NPAS3: variants seen among roughly 807,000 people sequenced by gnomAD.
NPAS3 encodes the protein neuronal PAS domain protein 3.
In NPAS3, 14 loss-of-function variants were observed where a neutral mutation model predicts 73.1. The ratio of observed to expected loss-of-function variants is 0.19; its 90% CI spans 0.13 to 0.30. The LOEUF (loss-of-function observed/expected upper bound fraction) is 0.30, where lower values mean the gene tolerates loss of function less well. Among genes scored for constraint, NPAS3 ranks in the 10% least tolerant of loss-of-function variants. The probability of loss-of-function intolerance (pLI) is 1.00; values close to 1 mark genes in which losing one functional copy is unlikely to be tolerated. For missense variants in NPAS3, 1,096 were observed against 1,250.0 expected, an observed-to-expected ratio of 0.88 and a Z score of 1.86; for synonymous variants, 620 against 541.5, an observed-to-expected ratio of 1.14 and a Z score of -2.01.
intron 3 of NPAS3, among the ~76,000 whole-genome samples, chr14:33,354,282 A>G (rs1323169238): frequency 1.3e-5 from 2 of 151,866 alleles, no homozygotes; most frequent in African/African-American, 4.8e-5. Flanking sequence ...TTGATCTCTC[A>G]TTTGCTGCTC....
At chr14:33,442,813 T>C (rs2049315048) in intron 4 of NPAS3, among the ~76,000 whole-genome samples, 1 of 152,204 alleles carries the variant, frequency 6.6e-6, no homozygotes, top group Non-Finnish European at 1.5e-5. Flanking sequence ...CACCAGGTTT[T>C]CCCCATCTTG....
At chr14:33,544,827 A>AATTATG (rs1555409999) in intron 4 of NPAS3, among the ~76,000 whole-genome samples, 1 of 80,212 alleles carries the variant, frequency 1.2e-5, no homozygotes, top group Non-Finnish European at 2.4e-5. Flanking sequence ...TATAATATAT[A>AATTATG]TGTGTATATA....
At chr14:33,143,029 C>T (rs762178420) in intron 2 of NPAS3, among the ~76,000 whole-genome samples, 24 of 152,120 alleles carry the variant, frequency 1.6e-4, no homozygotes, top group Non-Finnish European at 2.8e-4. Flanking sequence ...GACTTGAACC[C>T]GGGAGGAGGA....
intron 5 of NPAS3, among the ~76,000 whole-genome samples, chr14:33,637,637 G>A (rs1023562386): frequency 2.0e-5 from 3 of 152,110 alleles, no homozygotes; most frequent in African/African-American, 7.2e-5. Flanking sequence ...TACATCTTAG[G>A]CAAGGTTTAA....
intron 4 of NPAS3, among the ~76,000 whole-genome samples, chr14:33,517,469 C>A (rs1399657802): frequency 6.6e-6 from 1 of 152,024 alleles, no homozygotes; most frequent in Non-Finnish European, 1.5e-5. Flanking sequence ...GAGGGAATTG[C>A]CTGACAATAT....
intron 5 of NPAS3, among the ~76,000 whole-genome samples, chr14:33,674,829 C>CTGCA (rs1412751967): frequency 6.6e-6 from 1 of 152,176 alleles, no homozygotes; most frequent in African/African-American, 2.4e-5. Context: ...TGTGGAAGAT[C>CTGCA]TGCAGCCTGT....
intron 7 of NPAS3, among the ~76,000 whole-genome samples, chr14:33,768,062 AT>A: frequency 6.6e-6 from 1 of 152,342 alleles, no homozygotes; most frequent in Non-Finnish European, 1.5e-5. Context: ...GAGAAGAAAA[AT>A]AAAAGTCAAA....
At chr14:33,260,415 A>G (rs2048932617) in intron 3 of NPAS3, among the ~76,000 whole-genome samples, 1 of 152,020 alleles carries the variant, frequency 6.6e-6, no homozygotes, top group South Asian at 2.1e-4. Context: ...TAGCCATTCA[A>G]GTCCAACCAA....
At chr14:33,616,323 T>G (rs2057916754) in intron 5 of NPAS3, among the ~76,000 whole-genome samples, 1 of 152,228 alleles carries the variant, frequency 6.6e-6, no homozygotes, top group African/African-American at 2.4e-5. Context: ...TGCTCTGTTC[T>G]GAAAGATGTT....
Position 33,469,297 on chromosome 14 carries a change from T to TAAA in NPAS3, c.469-90824_469-90823insAAA, listed in dbSNP as rs2050672635. Among the ~76,000 whole-genome samples the TAAA allele has an allele frequency of 2.5e-5, 3 of 118,588 alleles. 1 individual carries two copies. Among genetic ancestry groups the TAAA allele is most frequent in the African/African-American group, 1.2e-4 (3 of 25,446 alleles). 77.8% of individuals were successfully genotyped at this position (118,588 alleles called of 152,430 possible). ...ATGATCAATAAAGAGGAAGTTTTCTTTAAAAAAAAAAAAAAAGAGTGTGTG... is the reference window on the plus strand; with the variant it reads ...ATGATCAATAAAGAGGAAGTTTTCTTAAATAAAAAAAAAAAAAAAGAGTGTGTG... On this transcript the variant is annotated intron_variant, in intron 4 of 11. Coordinates refer to ENST00000356141, the Ensembl canonical transcript of NPAS3.
chr14:33,616,543 C>T (rs1199344673), intron 5 of NPAS3, among the ~76,000 whole-genome samples: 2 of 152,122 alleles, frequency 1.3e-5, no homozygotes, highest in African/African-American at 4.8e-5. Flanking sequence ...CCTGACCTCA[C>T]AGAAAGCAAG....
chr14:33,525,558 G>T (rs186929494), intron 4 of NPAS3, among the ~76,000 whole-genome samples: 2 of 152,222 alleles, frequency 1.3e-5, no homozygotes, highest in Admixed American at 6.5e-5. Context: ...ACAATTTCAG[G>T]ATGATTCATT....
intron 2 of NPAS3, among the ~76,000 whole-genome samples, chr14:33,070,722 C>T (rs183078229): frequency 4.4e-4 from 67 of 152,266 alleles, no homozygotes; most frequent in Non-Finnish European, 6.5e-4. Flanking sequence ...TACACATGGG[C>T]CTGTATTCAT....
chr14:33,031,017 T>C (rs1345657166), intron 1 of NPAS3, among the ~76,000 whole-genome samples: 5 of 152,196 alleles, frequency 3.3e-5, no homozygotes, highest in Admixed American at 6.5e-5. Context: ...ATGAGGCCAG[T>C]TAACCCCGTT....
intron 1 of NPAS3, among the ~76,000 whole-genome samples, chr14:33,047,399 T>A (rs2040547712): frequency 6.6e-6 from 1 of 152,142 alleles, no homozygotes; most frequent in South Asian, 2.1e-4. Flanking sequence ...ACAGGAGCTG[T>A]AAAGAGATCA....
At position 33,546,615 on chromosome 14, in the gene NPAS3, T is replaced by C. The variant is rs182202237; in HGVS notation, c.469-13506T>C. ...GGACAGGGATTTTTATCCTGCTCAA[T>C]ATGTTGATTTTATGTGATAGTTTTG... On this transcript the variant is annotated intron_variant, in intron 4 of 11. Coordinates refer to ENST00000356141, the Ensembl canonical transcript of NPAS3. Among the ~76,000 whole-genome samples the C allele has an allele frequency of 1.1e-4, 16 of 152,304 alleles. No individual in the cohort carries two copies. The East Asian group carries it at 3.1e-3, about 29-fold the overall frequency.
chr14:33,175,068 A>AT (rs548666609), intron 2 of NPAS3, among the ~76,000 whole-genome samples: 7 of 152,038 alleles, frequency 4.6e-5, no homozygotes, highest in South Asian at 4.2e-4. Context: ...AGAATACTGT[A>AT]TTTTTTTTCT....
At chr14:33,487,816 C>T (rs1192202600) in intron 4 of NPAS3, among the ~76,000 whole-genome samples, 1 of 152,092 alleles carries the variant, frequency 6.6e-6, no homozygotes, top group Non-Finnish European at 1.5e-5. Context: ...ACTAAAAGAA[C>T]CAAGTACGTG....
At chr14:33,455,546 G>A (rs1032757202) in intron 4 of NPAS3, among the ~76,000 whole-genome samples, 4 of 152,278 alleles carry the variant, frequency 2.6e-5, no homozygotes, top group Admixed American at 6.5e-5. Context: ...AAACTACCAA[G>A]AAAAAACCAA....
Sources: allele counts gnomAD v4.1 joint callset (sites outside exome capture counted in the v4.1 genomes callset), GRCh38; gene constraint gnomAD v4.1.1; transcripts MANE v1.5; gene names NCBI Gene and HGNC (gene_info 2026-07-23, HGNC 2026-07-21).